ESR1: variants seen among roughly 807,000 people sequenced by gnomAD.
ESR1 encodes the protein estrogen receptor 1.
In ESR1, 12 loss-of-function variants were observed where a neutral mutation model predicts 52.7. The observed-to-expected ratio is 0.23, with a 90% CI of 0.15 to 0.37. ESR1 has a LOEUF of 0.37. ESR1 is among the 10% of genes least tolerant of loss of function. The pLI is 1.00. For synonymous variants in ESR1, 305 were observed against 316.8 expected (o/e 0.96, Z 0.39); for missense variants, 584 against 779.7 (o/e 0.75, Z 2.99).
chr6:151,806,530 GTATATATATATATATATATA>G (rs56020486), upstream of ESR1, among the ~76,000 whole-genome samples: 1 of 96,468 alleles, frequency 1.0e-5, no homozygotes, highest in Non-Finnish European at 2.2e-5. Flanking sequence ...TCCTTAATAT[GTATATATATATATATATATA>G]TATATATACA....
intron 1 of ESR1, among the ~76,000 whole-genome samples, chr6:151,666,628 C>T (rs1777831487): frequency 1.3e-5 from 2 of 152,048 alleles, no homozygotes. Flanking sequence ...GCCAGAGCAC[C>T]TTCACTGAGA....
At chr6:151,665,752 G>C (rs1777800603) in intron 1 of ESR1, among the ~76,000 whole-genome samples, 2 of 152,024 alleles carry the variant, frequency 1.3e-5, no homozygotes, top group South Asian at 4.1e-4. Flanking sequence ...TTTTCCCAGA[G>C]CAGAATGGCA....
chr6:151,974,373 A>G (rs997578160), intron 4 of ESR1, among the ~76,000 whole-genome samples: 4 of 152,216 alleles, frequency 2.6e-5, no homozygotes, highest in African/African-American at 9.6e-5. Flanking sequence ...GAGGGAAGGA[A>G]TAAAGTCACA....
At chr6:151,999,214 TAAAAG>T (rs1391217631) in intron 4 of ESR1, among the ~76,000 whole-genome samples, 1 of 152,146 alleles carries the variant, frequency 6.6e-6, no homozygotes, top group Non-Finnish European at 1.5e-5. Flanking sequence ...TGCTATCACT[TAAAAG>T]TAAATAAAAT....
chr6:151,935,249 A>G (rs1584327198), intron 3 of ESR1, among the ~76,000 whole-genome samples: 2 of 152,334 alleles, frequency 1.3e-5, no homozygotes, highest in East Asian at 3.9e-4. Context: ...CAAGCAAGAC[A>G]AACTGGTTCT....
chr6:151,805,382 G>A (rs549984462), upstream of ESR1: 25 of 152,344 alleles, frequency 1.6e-4, no homozygotes, highest in Admixed American at 5.9e-4. Context: ...TTAGCCGTAA[G>A]ACTATGATTC....
At chr6:152,119,081 C>T (rs947860873) in intron 6 of ESR1, among the ~76,000 whole-genome samples, 8 of 152,200 alleles carry the variant, frequency 5.3e-5, no homozygotes, top group Middle Eastern at 3.2e-3. Context: ...CTGGGAGGCC[C>T]GGCTTTTCTG....
At chr6:151,996,017 A>G (rs2128727961) in intron 4 of ESR1, among the ~76,000 whole-genome samples, 1 of 152,310 alleles carries the variant, frequency 6.6e-6, no homozygotes, top group East Asian at 1.9e-4. Flanking sequence ...GGTTCAGGCC[A>G]CACTCTTAAG....
At chr6:151,694,616 G>A (rs1279337687) in intron 1 of ESR1, among the ~76,000 whole-genome samples, 2 of 151,968 alleles carry the variant, frequency 1.3e-5, no homozygotes, top group African/African-American at 4.8e-5. Context: ...GGTGAAACCC[G>A]TCTCCACTAA....
In ESR1 at chr6:151,816,464, A is replaced by G. The variant is rs78387845; in HGVS notation, c.452+8100A>G. On this transcript the variant is annotated intron_variant, in intron 1 of 7. Coordinates refer to ENST00000206249, the MANE Select transcript of ESR1 (RefSeq NM_000125.4). Reference sequence around the variant, plus strand: ...GGATTAAACAAATTCATAGATGTCTAGGGCTTATAACATTCCTGGCACATA... The same window carrying G: ...GGATTAAACAAATTCATAGATGTCTGGGGCTTATAACATTCCTGGCACATA... 5.5e-3 allele frequency among the ~76,000 whole-genome samples: 837 copies of G among 152,368 alleles called. 8 individuals are homozygous for G. Among genetic ancestry groups the G allele is most frequent in the African/African-American group, 0.019 (786 of 41,584 alleles).
intron 4 of ESR1, among the ~76,000 whole-genome samples, chr6:151,945,283 AGT>A (rs1284777571): frequency 1.3e-5 from 2 of 152,242 alleles, no homozygotes; most frequent in African/African-American, 4.8e-5. Context: ...GATAATAATA[AGT>A]GTATTTACTG....
chr6:151,817,830 TG>T (rs1419292804), intron 1 of ESR1, among the ~76,000 whole-genome samples: 3 of 152,220 alleles, frequency 2.0e-5, no homozygotes, highest in Non-Finnish European at 4.4e-5. Flanking sequence ...TTTTTCCCTC[TG>T]GTTCATCAGA....
chr6:151,993,930 AT>A (rs2041253010), intron 4 of ESR1, among the ~76,000 whole-genome samples: 1 of 152,060 alleles, frequency 6.6e-6, no homozygotes, highest in African/African-American at 2.4e-5. Context: ...ATCTCTCTCT[AT>A]TTTTTTAAAC....
intron 2 of ESR1, among the ~76,000 whole-genome samples, chr6:151,768,682 C>T (rs1485188562): frequency 6.6e-6 from 1 of 152,016 alleles, no homozygotes; most frequent in African/African-American, 2.4e-5. Context: ...TAGATAAGTT[C>T]ATAGATAGAT....
intron 4 of ESR1, among the ~76,000 whole-genome samples, chr6:151,985,115 A>G (rs941023137): frequency 9.9e-5 from 15 of 152,034 alleles, no homozygotes; most frequent in African/African-American, 3.4e-4. Context: ...GCATAACGTT[A>G]TGTGCTCCTT....
At chr6:151,931,443 A>C (rs1045011188) in intron 3 of ESR1, among the ~76,000 whole-genome samples, 3 of 151,758 alleles carry the variant, frequency 2.0e-5, no homozygotes, top group Admixed American at 6.6e-5. Context: ...TTTCCATTAG[A>C]GCCCTCAAAC....
rs1778884620 is a variant in ESR1, at chr6:151,690,879, T to C, written c.-202+215T>C. 2.0e-5 allele frequency among the ~76,000 whole-genome samples: 3 copies of C among 152,184 alleles called. No individual in the cohort carries two copies. In the South Asian group the frequency reaches 6.2e-4, roughly 31 times the overall value. On this transcript the variant is annotated intron_variant, in intron 1 of 2. Transcript: ENST00000404742. ...AAACTTGGTACAGTGGAAATTCACT[T>C]CTAGAATAATATTTAGCTGAGGCAG... is the stretch of plus-strand genomic sequence containing the variant.
At chr6:151,785,456 T>C (rs558653892) in intron 2 of ESR1, among the ~76,000 whole-genome samples, 5 of 152,198 alleles carry the variant, frequency 3.3e-5, no homozygotes, top group Non-Finnish European at 7.4e-5. Context: ...TATTATCCAA[T>C]GAATCCTGAG....
chr6:151,899,664 C>T (rs1411040093), intron 3 of ESR1, among the ~76,000 whole-genome samples: 1 of 151,696 alleles, frequency 6.6e-6, no homozygotes, highest in Non-Finnish European at 1.5e-5. Context: ...GGCTGAGGGG[C>T]TCCTCACTTC....
Sources: allele counts gnomAD v4.1 joint callset (sites outside exome capture counted in the v4.1 genomes callset), GRCh38; gene constraint gnomAD v4.1.1; transcripts MANE v1.5; gene names NCBI Gene and HGNC (gene_info 2026-07-23, HGNC 2026-07-21).